Variants in TNRC6B observed in about 807,000 individuals in gnomAD.
TNRC6B encodes the protein trinucleotide repeat containing adaptor 6B, also known as trinucleotide repeat-containing gene 6B protein.
TNRC6B carries 52 observed loss-of-function variants against 203.6 expected under a neutral mutation model. That is an observed-to-expected ratio of 0.26 (90% CI 0.20 to 0.32). TNRC6B has a LOEUF of 0.32. Among genes scored for constraint, TNRC6B ranks in the 10% least tolerant of loss-of-function variants. The pLI is 1.00. For missense variants in TNRC6B, 1,923 were observed against 2,286.2 expected (o/e 0.84, Z 3.24); for synonymous variants, 838 against 845.7 (o/e 0.99, Z 0.16).
At position 40,285,652 on chromosome 22, in the gene TNRC6B, G is replaced by A. The variant is rs756599322; in HGVS notation, c.3590G>A (p.Ser1197Asn). The A allele has an allele frequency of 2.8e-5, 45 of 1,612,512 alleles. No individual in the cohort carries two copies. The South Asian group carries it at 4.5e-4, about 16-fold the overall frequency. Residue 1197 changes from serine (S) to asparagine (N), a missense_variant, in exon 12 of 23, where the codon AGT becomes AAT. Ser to Asn is a conservative substitution (Grantham distance 46). Transcript: ENST00000454349. ...PQNFAARQGG[S>N]HGLFGNSTAQ... ...CTGCTTTTCTGTTTACAGGGCGGTAGTCATGGTTTGTTTGGAAACAGCACA... is the reference window on the plus strand; with the variant it reads ...CTGCTTTTCTGTTTACAGGGCGGTAATCATGGTTTGTTTGGAAACAGCACA...
intron 2 of TNRC6B, among the ~76,000 whole-genome samples, chr22:40,250,246 T>C (rs542206300): frequency 1.1e-4 from 16 of 152,370 alleles, no homozygotes; most frequent in African/African-American, 3.6e-4. Flanking sequence ...TAGTTCCTTT[T>C]GGATGTTTTG....
Position 40,312,916 on chromosome 22 carries a change from C to T in TNRC6B, c.4597C>T (p.Leu1533Phe). ...TGTTACCCAAGGGTCTAATTCTTCCCTCAACACCTCGCTGCCTTCACCTGG... is the reference window on the plus strand; with the variant it reads ...TGTTACCCAAGGGTCTAATTCTTCCTTCAACACCTCGCTGCCTTCACCTGG... ...RDNTTGSNSS[L>F]NTSLPSPGAW... Residue 1533 changes from leucine (L) to phenylalanine (F), a missense_variant, in exon 19 of 23, where the codon CTC becomes TTC. Leu to Phe is a conservative substitution (Grantham distance 22). This residue lies in a region of TNRC6B where 159 missense variants were observed against 181.0 expected (regional missense o/e 0.88). Transcript: ENST00000454349. 1.2e-6 allele frequency: 2 copies of T among 1,613,656 alleles called. No homozygotes were observed. The highest frequency in any genetic ancestry group is 1.1e-5 in the South Asian group (1 of 90,992).
intron 1 of TNRC6B, among the ~76,000 whole-genome samples, chr22:40,048,772 T>G (rs191578534): frequency 3.6e-4 from 55 of 152,158 alleles, no homozygotes; most frequent in African/African-American, 1.2e-3. Context: ...AACTCCCTTG[T>G]CCCATCCCTT....
chr22:40,130,775 C>G (rs951719023), intron 3 of TNRC6B, among the ~76,000 whole-genome samples: 1 of 92,768 alleles, frequency 1.1e-5, no homozygotes, highest in Admixed American at 1.0e-4. Flanking sequence ...AGGGAGACTC[C>G]GTCTAAAAAA....
chr22:40,173,774 C>CACATATATATATAT, upstream of TNRC6B, among the ~76,000 whole-genome samples: 1 of 21,262 alleles, frequency 4.7e-5, no homozygotes, highest in East Asian at 7.2e-4. Flanking sequence ...GATTTTTGAA[C>CACATATATATATAT]ATATATATAT....
At position 40,301,342 on chromosome 22, in the gene TNRC6B, T is replaced by C. The variant is rs779521673; in HGVS notation, c.4120+9T>C. 5.6e-6 allele frequency: 9 copies of C among 1,602,976 alleles called. No homozygotes were observed. Among genetic ancestry groups the C allele is most frequent in the Admixed American group, 5.1e-5 (3 of 58,478 alleles). On this transcript the variant is annotated intron_variant, in intron 15 of 22. Transcript: ENST00000454349. The stretch of plus-strand genomic sequence containing the variant: ...ACCTGGATATGGTTCTGGTAAGTTG[T>C]TGGTAGAGAAAATTACCTTTTTAGA...
chr22:40,262,972 G>A (rs1431943262), intron 4 of TNRC6B, among the ~76,000 whole-genome samples: 5 of 151,798 alleles, frequency 3.3e-5, no homozygotes, highest in South Asian at 2.1e-4. Flanking sequence ...CCCAGGAGGC[G>A]GAGCTTGCAG....
intron 19 of TNRC6B, among the ~76,000 whole-genome samples, chr22:40,313,875 G>C (rs929683886): frequency 1.3e-5 from 2 of 152,156 alleles, no homozygotes; most frequent in African/African-American, 4.8e-5. Context: ...AGTAAGTCCT[G>C]TTGTTACCCC....
At chr22:40,111,851 C>G (rs1308847786) in intron 1 of TNRC6B, among the ~76,000 whole-genome samples, 1 of 152,152 alleles carries the variant, frequency 6.6e-6, no homozygotes, top group Non-Finnish European at 1.5e-5. Context: ...ACCTGTAATC[C>G]CAGCACTTTG....
intron 1 of TNRC6B, among the ~76,000 whole-genome samples, chr22:40,115,594 C>A (rs2068380038): frequency 6.6e-6 from 1 of 152,156 alleles, no homozygotes; most frequent in South Asian, 2.1e-4. Flanking sequence ...CAGACATGGT[C>A]CTTGCTATCA....
intron 4 of TNRC6B, among the ~76,000 whole-genome samples, chr22:40,160,347 A>G (rs544541469): frequency 6.6e-6 from 1 of 152,070 alleles, no homozygotes; most frequent in African/African-American, 2.4e-5. Context: ...GTGGTGGTAC[A>G]TGCCTATAAT....
chr22:40,301,578 C>CTTTTTTT, intron 15 of TNRC6B: 1 of 485,948 alleles, frequency 2.1e-6, no homozygotes. Context: ...AGCAGTCTTC[C>CTTTTTTT]TTTTTTTTGT....
At chr22:40,197,569 G>A (rs1347048280) in intron 1 of TNRC6B, among the ~76,000 whole-genome samples, 2 of 150,690 alleles carry the variant, frequency 1.3e-5, no homozygotes, top group African/African-American at 2.4e-5. Context: ...TTACAAGCAT[G>A]AGCCACCGCA....
chr22:40,321,947 C>G (rs2071339625), intron 22 of TNRC6B: 1 of 152,308 alleles, frequency 6.6e-6, no homozygotes, highest in Non-Finnish European at 1.5e-5. Flanking sequence ...TTTGCCCATC[C>G]CCTTCCCTGC....
chr22:40,125,828 A>G (rs1282456668), exon 3 of TNRC6B: 14 of 1,612,238 alleles, frequency 8.7e-6, no homozygotes, highest in East Asian at 2.2e-5. Flanking sequence ...ATGCAAACCA[A>G]TGAGGGAGAA....
intron 4 of TNRC6B, among the ~76,000 whole-genome samples, chr22:40,169,209 G>A (rs1275137184): frequency 4.1e-5 from 6 of 144,724 alleles, no homozygotes; most frequent in African/African-American, 1.6e-4. Flanking sequence ...TCGGGTTACT[G>A]CAATCTCTGC....
chr22:40,313,115 GGT>G, intron 19 of TNRC6B, 118 bp downstream of exon 19: 1 of 760,612 alleles, frequency 1.3e-6, no homozygotes, highest in Non-Finnish European at 2.2e-6. Context: ...CAGTAGCATA[GGT>G]CAGTATAGAT....
chr22:40,048,626 A>G (rs2067715663), intron 1 of TNRC6B, among the ~76,000 whole-genome samples: 1 of 151,852 alleles, frequency 6.6e-6, no homozygotes, highest in African/African-American at 2.4e-5. Flanking sequence ...CCTTTTTGAC[A>G]ATTCCTATCC....
intron 1 of TNRC6B, among the ~76,000 whole-genome samples, chr22:40,047,607 G>GA (rs564843454): frequency 5.5e-4 from 79 of 144,098 alleles, no homozygotes; most frequent in African/African-American, 1.6e-3. Flanking sequence ...CAGTCTCCAA[G>GA]AAAAAAAAAA....
Sources: gnomAD v4.1 joint callset for allele counts (sites outside exome capture counted in the v4.1 genomes callset) on GRCh38, gnomAD v4.1.1 for gene constraint, gnomAD v4.1.1 regional missense constraint, MANE v1.5 for transcripts, NCBI Gene and HGNC (gene_info 2026-07-23, HGNC 2026-07-21) for gene names.